Variants in LGR4 observed in about 807,000 individuals in gnomAD.
LGR4 encodes the protein leucine rich repeat containing G protein-coupled receptor 4.
In LGR4, 44 loss-of-function variants were observed where a neutral mutation model predicts 84.8. The ratio of observed to expected loss-of-function variants is 0.52; its 90% CI spans 0.41 to 0.67. The LOEUF (loss-of-function observed/expected upper bound fraction) is 0.67. Among genes scored for constraint, LGR4 ranks in the 30% least tolerant of loss-of-function variants. The probability of loss-of-function intolerance (pLI) is 0.00; values close to 1 mark genes in which losing one functional copy is unlikely to be tolerated. For missense variants in LGR4, 1,032 were observed against 1,131.4 expected, an observed-to-expected ratio of 0.91 and a Z score of 1.26; for synonymous variants, 429 against 434.3, an observed-to-expected ratio of 0.99 and a Z score of 0.15.
intron 1 of LGR4, among the ~76,000 whole-genome samples, chr11:27,422,438 G>T (rs1254554098): frequency 6.6e-6 from 1 of 152,128 alleles, no homozygotes; most frequent in Non-Finnish European, 1.5e-5. Context: ...ATTTCAATGG[G>T]TCATAGCCAA....
rs991931082 is a variant in LGR4 at position 27,447,533 on chromosome 11, C to T, written c.185+24585G>A. ...CTCCCTGCCCCTTTCCTGGAAAACG[C>T]ATAAATAATCCACACTTTGTTTAGC... On this transcript the variant is annotated intron_variant, in intron 1 of 17. Coordinates refer to ENST00000379214, the MANE Select transcript of LGR4 (RefSeq NM_018490.5). Among the ~76,000 whole-genome samples the T allele has an allele frequency of 5.3e-5, 8 of 152,272 alleles. No individual in the cohort carries two copies. In the South Asian group the frequency reaches 1.7e-3, roughly 32 times the overall value.
chr11:27,441,730 G>C (rs1385722493), intron 1 of LGR4, among the ~76,000 whole-genome samples: 1 of 152,194 alleles, frequency 6.6e-6, no homozygotes, highest in African/African-American at 2.4e-5. Context: ...GGAGGAAAAG[G>C]CTGAAGTGGA....
At chr11:27,418,037 A>T (rs777534695) in intron 1 of LGR4, among the ~76,000 whole-genome samples, 1 of 152,206 alleles carries the variant, frequency 6.6e-6, no homozygotes, top group Non-Finnish European at 1.5e-5. Context: ...CCTGTCATCC[A>T]TTGAACAAAT....
intron 13 of LGR4, among the ~76,000 whole-genome samples, 174 bp from the exon 14 acceptor site, chr11:27,374,220 C>T (rs1369588636): frequency 6.6e-6 from 1 of 152,186 alleles, no homozygotes; most frequent in Non-Finnish European, 1.5e-5. Context: ...CTCTCCTTCA[C>T]AACAATCTAT....
chr11:27,384,532 C>G (rs1863152561), intron 5 of LGR4, 125 bp from the exon 6 acceptor site: 2 of 697,670 alleles, frequency 2.9e-6, no homozygotes, highest in Non-Finnish European at 5.0e-6. Context: ...AGCTAAACAG[C>G]TAAACAGTTT....
chr11:27,463,689 G>A (rs541846418), intron 1 of LGR4, among the ~76,000 whole-genome samples: 15 of 152,194 alleles, frequency 9.9e-5, no homozygotes, highest in Non-Finnish European at 1.9e-4. Flanking sequence ...GGGAGGCTGA[G>A]GCTGAAGAAT....
intron 1 of LGR4, among the ~76,000 whole-genome samples, chr11:27,429,807 G>C (rs1293861910): frequency 3.3e-5 from 5 of 152,178 alleles, no homozygotes; most frequent in Admixed American, 6.5e-5. Context: ...AGAAACACAA[G>C]GTTTGAAGAG....
chr11:27,440,827 G>C (rs938126681), intron 1 of LGR4, among the ~76,000 whole-genome samples: 3 of 152,136 alleles, frequency 2.0e-5, no homozygotes, highest in African/African-American at 4.8e-5. Context: ...AAATTTGCCA[G>C]AAATTCAAGT....
chr11:27,413,434 C>G (rs1160670230), intron 1 of LGR4, among the ~76,000 whole-genome samples: 1 of 152,110 alleles, frequency 6.6e-6, no homozygotes, highest in Non-Finnish European at 1.5e-5. Context: ...CCAGTTTTCC[C>G]TTAAGAGCGT....
At chr11:27,412,473 C>T (rs369407143) in intron 2 of LGR4, among the ~76,000 whole-genome samples, 1 of 152,194 alleles carries the variant, frequency 6.6e-6, no homozygotes, top group African/African-American at 2.4e-5. Flanking sequence ...TATACAGCAG[C>T]CTTGTTATCT....
intron 1 of LGR4, among the ~76,000 whole-genome samples, chr11:27,422,324 T>C (rs1863936485): frequency 6.6e-6 from 1 of 152,200 alleles, no homozygotes; most frequent in African/African-American, 2.4e-5. Flanking sequence ...AGGAAAACAT[T>C]ACTTCACCGT....
chr11:27,446,212 A>C (rs2133438646), intron 1 of LGR4, among the ~76,000 whole-genome samples: 1 of 152,004 alleles, frequency 6.6e-6, no homozygotes, highest in South Asian at 2.1e-4. Context: ...GATTGTAAAA[A>C]TTTTCTCCCA....
intron 1 of LGR4, among the ~76,000 whole-genome samples, chr11:27,459,960 A>G (rs1197787344): frequency 6.6e-6 from 1 of 152,020 alleles, no homozygotes; most frequent in South Asian, 2.1e-4. Flanking sequence ...GTGTGATGAC[A>G]TGTGCCTGTG....
At chr11:27,456,554 G>A (rs1217433344) in intron 1 of LGR4, among the ~76,000 whole-genome samples, 2 of 152,152 alleles carry the variant, frequency 1.3e-5, no homozygotes, top group Admixed American at 1.3e-4. Flanking sequence ...TTGGTTTAAA[G>A]GAGCACATTC....
chr11:27,372,184 A>T, intron 16 of LGR4, 99 bp downstream of exon 16: 1 of 798,950 alleles, frequency 1.3e-6, no homozygotes, highest in Non-Finnish European at 2.1e-6. Flanking sequence ...CATTTTTCTC[A>T]CAGATTTCCT....
chr11:27,397,996 G>A (rs563234174), intron 2 of LGR4, among the ~76,000 whole-genome samples: 28 of 152,340 alleles, frequency 1.8e-4, no homozygotes, highest in Admixed American at 1.6e-3. Context: ...ATTCCAGGAA[G>A]CGGCATACAA....
At chr11:27,441,079 G>T (rs1864297339) in intron 1 of LGR4, among the ~76,000 whole-genome samples, 1 of 152,130 alleles carries the variant, frequency 6.6e-6, no homozygotes, top group Non-Finnish European at 1.5e-5. Flanking sequence ...GAGGCCCAGA[G>T]GAGTCTTACC....
chr11:27,367,776 A>C lies in LGR4; in HGVS notation c.*91T>G. The C allele has an allele frequency of 1.1e-6, 1 of 933,150 alleles. No homozygotes were observed. Among genetic ancestry groups the C allele is most frequent in the Non-Finnish European group, 1.6e-6 (1 of 617,400 alleles). The allele number at this position is 933,150 out of a possible 1,614,324, so 57.8% of individuals were successfully genotyped here. A position where few individuals can be genotyped will look rare whatever the true frequency, so the allele number is the denominator to read the frequency against. On this transcript the variant is annotated 3_prime_UTR_variant, in exon 18 of 18. Coordinates refer to ENST00000379214, the MANE Select transcript of LGR4 (RefSeq NM_018490.5). The stretch of plus-strand genomic sequence containing the variant: ...CTAAGTGACACCAGGCAGTGATTAC[A>C]GAAGTGCTTCCCAGATGAAAGATGA...
At chr11:27,452,687 G>A (rs1319759963) in intron 1 of LGR4, among the ~76,000 whole-genome samples, 1 of 142,866 alleles carries the variant, frequency 7.0e-6, no homozygotes, top group East Asian at 2.1e-4. Flanking sequence ...GCAGTGGCGC[G>A]ATCTCGGCTC....
Sources: allele counts gnomAD v4.1 joint callset (sites outside exome capture counted in the v4.1 genomes callset), GRCh38; gene constraint gnomAD v4.1.1; transcripts MANE v1.5; gene names NCBI Gene and HGNC (gene_info 2026-07-23, HGNC 2026-07-21).